TGM7: variants seen among roughly 807,000 people sequenced by gnomAD.
TGM7 encodes the protein protein-glutamine gamma-glutamyltransferase Z.
TGM7 carries 74 observed loss-of-function variants against 79.5 expected under a neutral mutation model. That is an observed-to-expected ratio of 0.93 (90% CI 0.77 to 1.13). TGM7 has a LOEUF of 1.13. Ranked by LOEUF, TGM7 falls within the 50% of genes most tolerant of loss-of-function variation. The probability of loss-of-function intolerance (pLI) is 0.00; values close to 1 mark genes in which losing one functional copy is unlikely to be tolerated. For synonymous variants in TGM7, 354 were observed against 362.5 expected, an observed-to-expected ratio of 0.98 and a Z score of 0.27; for missense variants, 912 against 905.9, an observed-to-expected ratio of 1.01 and a Z score of -0.09.
chr15:43,297,592 A>AGAAAGAAAGAAAGAAG, intron 1 of TGM7, among the ~76,000 whole-genome samples: 1 of 136,488 alleles, frequency 7.3e-6, no homozygotes, highest in Non-Finnish European at 1.6e-5. Flanking sequence ...ATGTATAGAA[A>AGAAAGAAAGAAAGAAG]GAAAGAAAGA....
At chr15:43,277,023 T>A in intron 11 of TGM7, 28 bp from the exon 12 acceptor site, 1 of 1,611,490 alleles carries the variant, frequency 6.2e-7, no homozygotes, top group Non-Finnish European at 8.5e-7. Context: ...AGCAATCCCA[T>A]GGGCAACTGG....
intron 8 of TGM7, 94 bp downstream of exon 8, chr15:43,282,423 A>G: frequency 9.0e-7 from 1 of 1,110,564 alleles, no homozygotes; most frequent in African/African-American, 1.6e-5. Context: ...TGCCGTGGAA[A>G]ACGCTGCTCC....
chr15:43,282,117 G>A (rs973595705), intron 8 of TGM7, 31 bp from the exon 9 acceptor site: 5 of 1,607,354 alleles, frequency 3.1e-6, no homozygotes, highest in Non-Finnish European at 4.3e-6. Flanking sequence ...TGATATGGGG[G>A]CCAGGGGCAG....
At position 43,292,012 on chromosome 15, in the gene TGM7, T is replaced by A; in HGVS notation, c.525A>T (p.Arg175Ser). 6.2e-7 allele frequency: 1 copy of A among 1,613,970 alleles called. No homozygotes were observed. The highest frequency in any genetic ancestry group is 8.5e-7 in the Non-Finnish European group (1 of 1,179,922). The change falls in exon 4 of 13, where the codon AGA (arginine) becomes AGT (serine). Residue 175 changes from arginine to serine, a missense_variant. Physicochemically the swap from Arg to Ser is moderately radical, Grantham distance 110. Coordinates refer to ENST00000452443, the MANE Select transcript of TGM7 (RefSeq NM_052955.3). The stretch of plus-strand genomic sequence containing the variant: ...AGTTCCAGGGCCAGGAGGTGATGAA[T>A]CTTTCATGACCCTTGTAAACAAAGC... ...DYGFVYKGHE[R>S]FITSWPWNYG...
intron 10 of TGM7, 71 bp downstream of exon 10, chr15:43,279,554 C>A: frequency 6.7e-7 from 1 of 1,497,512 alleles, no homozygotes; most frequent in South Asian, 1.3e-5. Context: ...TGGCTGGGCC[C>A]ACCCCACTGT....
rs963111241 is a variant in TGM7 at position 43,287,622 on chromosome 15, G to C, written c.606C>G (p.Ser202Arg). The C allele has an allele frequency of 1.9e-6, 3 of 1,613,952 alleles. No homozygotes were observed. The highest frequency in any genetic ancestry group is 2.5e-6 in the Non-Finnish European group (3 of 1,180,018). The change falls in exon 5 of 13, where the codon AGC (serine) becomes AGG (arginine). Residue 202 changes from serine (S) to arginine (R), a missense_variant. Physicochemically the swap from Ser to Arg is moderately radical, Grantham distance 110 (BLOSUM62 -1). Coordinates refer to ENST00000452443, the MANE Select transcript of TGM7 (RefSeq NM_052955.3). ...IDICFEILNKSLYHLKNPAKD... is the reference protein window; with the variant it reads ...IDICFEILNKRLYHLKNPAKD... Reference sequence around the variant, plus strand: ...TGGCCGGGTTCTTTAAGTGATACAGGCTCTTGTTCAGGATCTCAAAGCAGA... The same window carrying C: ...TGGCCGGGTTCTTTAAGTGATACAGCCTCTTGTTCAGGATCTCAAAGCAGA...
At position 43,283,819 on chromosome 15, in the gene TGM7, A is replaced by G. The variant is rs1370121197; in HGVS notation, c.1004+995T>C. ...TCATTTCACCCTAGCAACCCTGTGAAGTAGATGTTATCTTCATTTTACAGA... is the reference window on the plus strand; with the variant it reads ...TCATTTCACCCTAGCAACCCTGTGAGGTAGATGTTATCTTCATTTTACAGA... On this transcript the variant is annotated intron_variant, in intron 7 of 12. Coordinates refer to ENST00000452443, the MANE Select transcript of TGM7 (RefSeq NM_052955.3). 3.9e-5 allele frequency among the ~76,000 whole-genome samples: 6 copies of G among 152,302 alleles called. No individual in the cohort carries two copies. In the East Asian group the frequency reaches 1.2e-3, roughly 29 times the overall value.
intron 4 of TGM7, among the ~76,000 whole-genome samples, chr15:43,291,507 G>T (rs2042963254): frequency 6.6e-6 from 1 of 152,190 alleles, no homozygotes; most frequent in African/African-American, 2.4e-5. Flanking sequence ...GCTGAAATTT[G>T]AATTTCATAT....
chr15:43,284,361 C>T (rs1043471661), intron 7 of TGM7, among the ~76,000 whole-genome samples: 1 of 152,102 alleles, frequency 6.6e-6, no homozygotes, highest in Non-Finnish European at 1.5e-5. Context: ...CACACACACG[C>T]ATGCATATAC....
intron 1 of TGM7, among the ~76,000 whole-genome samples, chr15:43,300,017 C>A (rs2043018304): frequency 6.6e-6 from 1 of 152,188 alleles, no homozygotes; most frequent in Non-Finnish European, 1.5e-5. Context: ...CATAAATAAA[C>A]TGCTTCACTT....
rs531150093 is a variant in TGM7, at chr15:43,280,618, C to T, written c.1352-667G>A. 8.6e-5 allele frequency among the ~76,000 whole-genome samples: 13 copies of T among 151,374 alleles called. 1 individual carries two copies. In the South Asian group the frequency reaches 1.9e-3, roughly 22 times the overall value. On this transcript the variant is annotated intron_variant, in intron 9 of 12. Transcript: ENST00000452443. ...AGCCTGGGCAACAAGAGTGAAACTC[C>T]GCCTAAAAAAAAAACAAAAGAGCTT...
intron 1 of TGM7, among the ~76,000 whole-genome samples, chr15:43,299,824 T>C (rs2043017571): frequency 6.6e-6 from 1 of 152,262 alleles, no homozygotes. Context: ...GAGTATAATC[T>C]GTGTGAGAGC....
chr15:43,290,706 G>A (rs2042959714), intron 4 of TGM7, among the ~76,000 whole-genome samples: 1 of 152,176 alleles, frequency 6.6e-6, no homozygotes, highest in African/African-American at 2.4e-5. Flanking sequence ...AGCATGGAAT[G>A]TTCTTCCATT....
chr15:43,291,935 C>G (rs760044589), intron 4 of TGM7, 44 bp downstream of exon 4: 1 of 1,450,350 alleles, frequency 6.9e-7, no homozygotes, highest in East Asian at 2.3e-5. Flanking sequence ...TAAGGACCAG[C>G]CTTAGGGAGC....
rs1471542643 is a variant in TGM7, at chr15:43,293,482, G to A, written c.160C>T (p.Gln54Ter). The change falls in exon 2 of 13, where the codon CAG becomes TAG. Residue 54 changes from glutamine to a stop codon, truncating the protein, a stop_gained. Coordinates refer to ENST00000452443, the MANE Select transcript of TGM7 (RefSeq NM_052955.3). LOFTEE classifies it high-confidence loss of function. ...GCCACAAAGGTGATGTGGTCGTTCT[G>A]GGACTGGAAGGGTCGGCTGAAGCTC... ...RLSFSRPFQS[Q>*]NDHITFVAET... is the part of the protein sequence containing the mutation. The A allele has an allele frequency of 1.9e-6, 3 of 1,610,174 alleles. No individual in the cohort carries two copies. The highest frequency in any genetic ancestry group is 2.5e-6 in the Non-Finnish European group (3 of 1,178,400).
At chr15:43,288,900 G>A (rs1445934883) in intron 4 of TGM7, among the ~76,000 whole-genome samples, 1 of 152,074 alleles carries the variant, frequency 6.6e-6, no homozygotes, top group Admixed American at 6.6e-5. Flanking sequence ...CTCCAGCCTG[G>A]GCAACACAGT....
At chr15:43,286,871 C>A (rs1368394064) in intron 6 of TGM7, among the ~76,000 whole-genome samples, 1 of 152,198 alleles carries the variant, frequency 6.6e-6, no homozygotes. Flanking sequence ...CTCAGTGAAG[C>A]ATTTGGGGGC....
intron 4 of TGM7, among the ~76,000 whole-genome samples, chr15:43,290,032 G>A (rs141522916): frequency 1.3e-3 from 201 of 152,238 alleles, no homozygotes; most frequent in African/African-American, 4.6e-3. Flanking sequence ...TACTCTGATG[G>A]TAGTTTCTCT....
intron 1 of TGM7, among the ~76,000 whole-genome samples, chr15:43,294,562 A>G (rs1365691226): frequency 6.6e-6 from 1 of 152,234 alleles, no homozygotes; most frequent in Non-Finnish European, 1.5e-5. Flanking sequence ...TAAGGAGTCA[A>G]TATTAGTTAC....
Sources: gnomAD v4.1 joint callset for allele counts (sites outside exome capture counted in the v4.1 genomes callset) on GRCh38, gnomAD v4.1.1 for gene constraint, MANE v1.5 for transcripts, NCBI Gene and HGNC (gene_info 2026-07-23, HGNC 2026-07-21) for gene names.